The following PEPD variants were observed in gnomAD, a reference collection of about 807,000 sequenced individuals.
PEPD encodes xaa-Pro dipeptidase.
Under a neutral mutation model 60.7 loss-of-function variants are expected in PEPD, and 53 were observed. The observed-to-expected ratio is 0.87, with a 90% CI of 0.70 to 1.10. PEPD has a LOEUF of 1.10. PEPD is among the 50% of genes least tolerant of loss of function. The pLI is 0.00. For missense variants in PEPD, 711 were observed against 711.9 expected (o/e 1.00, Z 0.01); for synonymous variants, 267 against 284.1 (o/e 0.94, Z 0.60).
chr19:33,420,164 CG>C (rs1273462852), intron 9 of PEPD, among the ~76,000 whole-genome samples: 4 of 151,972 alleles, frequency 2.6e-5, no homozygotes, highest in Non-Finnish European at 5.9e-5. Flanking sequence ...CGGAGTTCCT[CG>C]GATCAGTTAC....
At chr19:33,393,297 G>T (rs1968274827) in intron 12 of PEPD, among the ~76,000 whole-genome samples, 1 of 150,626 alleles carries the variant, frequency 6.6e-6, no homozygotes, top group African/African-American at 2.4e-5. Flanking sequence ...GTGGGGGAGA[G>T]CCCGGGGTCT....
At chr19:33,496,298 G>A (rs1970601956) in intron 4 of PEPD, among the ~76,000 whole-genome samples, 1 of 152,174 alleles carries the variant, frequency 6.6e-6, no homozygotes, top group South Asian at 2.1e-4. Flanking sequence ...TGCTGGTTAG[G>A]AATAATGGAG....
chr19:33,455,312 C>T, intron 9 of PEPD, among the ~76,000 whole-genome samples: 1 of 152,016 alleles, frequency 6.6e-6, no homozygotes, highest in East Asian at 1.9e-4. Flanking sequence ...CAAAACTATC[C>T]TAAAATAAAA....
chr19:33,499,946 G>A (rs577151129), intron 4 of PEPD, among the ~76,000 whole-genome samples: 2 of 152,306 alleles, frequency 1.3e-5, no homozygotes, highest in South Asian at 2.1e-4. Flanking sequence ...ACCCAGTGCC[G>A]TCATCTTCAA....
At chr19:33,498,212 C>A (rs948230265) in intron 4 of PEPD, among the ~76,000 whole-genome samples, 1 of 152,142 alleles carries the variant, frequency 6.6e-6, no homozygotes, top group Non-Finnish European at 1.5e-5. Context: ...ACATCAACAC[C>A]AATCTGCAAT....
chr19:33,457,368 T>C (rs1392346932), intron 9 of PEPD, among the ~76,000 whole-genome samples: 3 of 152,086 alleles, frequency 2.0e-5, no homozygotes, highest in Non-Finnish European at 4.4e-5. Context: ...GAGGCAGAGA[T>C]TGCAGCAAGC....
chr19:33,443,626 G>C (rs549622807), intron 9 of PEPD, among the ~76,000 whole-genome samples: 3 of 152,128 alleles, frequency 2.0e-5, no homozygotes, highest in South Asian at 2.1e-4. Context: ...GTCAAAGATA[G>C]GAAATTTTTT....
chr19:33,428,897 T>C (rs933346518), intron 9 of PEPD, among the ~76,000 whole-genome samples: 5 of 152,200 alleles, frequency 3.3e-5, no homozygotes, highest in Non-Finnish European at 5.9e-5. Flanking sequence ...CACACATACA[T>C]GCACATATGC....
At chr19:33,476,066 A>C (rs530115507) in intron 7 of PEPD, among the ~76,000 whole-genome samples, 1 of 152,096 alleles carries the variant, frequency 6.6e-6, no homozygotes. Flanking sequence ...GGATCTCTCT[A>C]TGTTGCTCAG....
chr19:33,432,617 G>A (rs1969297391), intron 9 of PEPD, among the ~76,000 whole-genome samples: 1 of 152,240 alleles, frequency 6.6e-6, no homozygotes, highest in South Asian at 2.1e-4. Flanking sequence ...TCTTTGTCCA[G>A]GAGGACTGTG....
intron 4 of PEPD, among the ~76,000 whole-genome samples, chr19:33,495,838 A>C (rs1253136651): frequency 6.6e-6 from 1 of 152,004 alleles, no homozygotes; most frequent in Non-Finnish European, 1.5e-5. Flanking sequence ...ATACAAAAAA[A>C]TTAGCCGGGC....
At chr19:33,449,166 G>C (rs925872923) in intron 9 of PEPD, among the ~76,000 whole-genome samples, 1 of 152,242 alleles carries the variant, frequency 6.6e-6, no homozygotes, top group African/African-American at 2.4e-5. Flanking sequence ...CATCTTCCAT[G>C]TCCACCGAGG....
intron 9 of PEPD, among the ~76,000 whole-genome samples, chr19:33,421,575 C>A (rs142896266): frequency 6.6e-6 from 1 of 152,198 alleles, no homozygotes; most frequent in Admixed American, 6.5e-5. Flanking sequence ...ACTGCAGGCT[C>A]AAAGTCCTGG....
intron 9 of PEPD, among the ~76,000 whole-genome samples, chr19:33,447,055 G>A (rs1049198245): frequency 8.5e-5 from 13 of 152,206 alleles, no homozygotes. Context: ...AAGTAGCTAT[G>A]GTGCACTTCG....
intron 9 of PEPD, among the ~76,000 whole-genome samples, chr19:33,454,748 C>T (rs958402372): frequency 4.6e-5 from 7 of 152,262 alleles, no homozygotes; most frequent in Admixed American, 1.3e-4. Flanking sequence ...GGGTGGCACA[C>T]AGTGACTGCT....
intron 7 of PEPD, among the ~76,000 whole-genome samples, chr19:33,466,735 T>C (rs915853452): frequency 6.6e-6 from 1 of 151,410 alleles, no homozygotes; most frequent in African/African-American, 2.4e-5. Context: ...AATGCATGTA[T>C]ATATGTTGCT....
intron 11 of PEPD, among the ~76,000 whole-genome samples, chr19:33,410,175 G>C (rs547505939): frequency 1.3e-5 from 2 of 152,354 alleles, no homozygotes; most frequent in African/African-American, 4.8e-5. Flanking sequence ...GCCTGCCTCC[G>C]CTTGCACCCT....
intron 14 of PEPD, 58 bp downstream of exon 14, chr19:33,387,832 A>G: frequency 7.3e-7 from 1 of 1,365,182 alleles, no homozygotes; most frequent in South Asian, 1.2e-5. Flanking sequence ...AGGAGTCTGC[A>G]GCTGCAGTGG....
In PEPD at chr19:33,500,716, T is replaced by A. The variant is rs116979529; in HGVS notation, c.393+222A>T. Among the ~76,000 whole-genome samples the A allele has an allele frequency of 0.028, 4,315 of 151,864 alleles. 96 individuals carry two copies. The highest frequency in any genetic ancestry group is 0.046 in the Non-Finnish European group (3,106 of 67,922). On this transcript the variant is annotated intron_variant, in intron 4 of 14. Transcript: ENST00000244137. The stretch of plus-strand genomic sequence containing the variant: ...TCACCAGACACTTCTACCCACAGAG[T>A]CAGGGGCCTTCCCAGGCAAAGCAAT...
Sources: allele counts gnomAD v4.1 joint callset (sites outside exome capture counted in the v4.1 genomes callset), GRCh38; gene constraint gnomAD v4.1.1; transcripts MANE v1.5; gene names NCBI Gene and HGNC (gene_info 2026-07-23, HGNC 2026-07-21).